SPINK5: variants seen among roughly 807,000 people sequenced by gnomAD.
SPINK5 encodes the protein serine peptidase inhibitor Kazal type 5.
Under a neutral mutation model 151.8 loss-of-function variants are expected in SPINK5, and 125 were observed. That is an observed-to-expected ratio of 0.82 (90% CI 0.71 to 0.96). The LOEUF (loss-of-function observed/expected upper bound fraction) is 0.96. Among genes scored for constraint, SPINK5 ranks in the 40% least tolerant of loss-of-function variants. SPINK5 has a pLI of 0.00. For missense variants in SPINK5, 1,194 were observed against 1,291.9 expected, an observed-to-expected ratio of 0.92 and a Z score of 1.16; for synonymous variants, 374 against 395.3, an observed-to-expected ratio of 0.95 and a Z score of 0.64.
chr5:148,134,841 C>T (rs1476316556), intron 32 of SPINK5, among the ~76,000 whole-genome samples: 1 of 151,594 alleles, frequency 6.6e-6, no homozygotes, highest in African/African-American at 2.4e-5. Flanking sequence ...TGCTCCATTC[C>T]ACTGCCACAA....
At position 148,114,240 on chromosome 5, in the gene SPINK5, G is replaced by GA. The variant is rs35860121; in HGVS notation, c.1888-114dup. ...TATAAATTGAACACTATAACTGCCA[G>GA]AAAAAAAATTCTCAGGTCATTTTCT... On this transcript the variant is annotated intron_variant, in intron 20 of 32. Coordinates refer to ENST00000256084, the MANE Select transcript of SPINK5 (RefSeq NM_006846.4). 0.51 allele frequency: 606,392 copies of GA among 1,190,508 alleles called. 161,387 individuals are homozygous for GA. Among genetic ancestry groups the GA allele is most frequent in the Admixed American group, 0.63 (23,150 of 36,928 alleles). The allele number at this position is 1,190,508 out of a possible 1,614,324, so 73.7% of individuals were successfully genotyped here.
chr5:148,103,362 G>A (rs558740220), intron 15 of SPINK5, among the ~76,000 whole-genome samples: 2 of 152,264 alleles, frequency 1.3e-5, no homozygotes, highest in South Asian at 4.1e-4. Flanking sequence ...ACTTACAGAT[G>A]AAGGAAAAGT....
intron 6 of SPINK5, 187 bp from the exon 7 acceptor site, chr5:148,089,307 A>G (rs1350802331): frequency 1.3e-6 from 1 of 746,056 alleles, no homozygotes; most frequent in Non-Finnish European, 2.3e-6. Flanking sequence ...ATGAATAAAC[A>G]AGTAAAAAAG....
At chr5:148,091,331 T>C in intron 8 of SPINK5, 103 bp downstream of exon 8, 2 of 911,544 alleles carry the variant, frequency 2.2e-6, no homozygotes, top group Non-Finnish European at 1.7e-6. Context: ...TCTTTTATTA[T>C]TATATAGATA....
rs772766280 is a variant in SPINK5, at chr5:148,120,144, T to C, written c.2441+8T>C. 8 of 1,614,108 alleles carry C rather than the reference T, an allele frequency of 5.0e-6. No individual in the cohort carries two copies. The East Asian group carries it at 1.8e-4, about 36-fold the overall frequency. On this transcript the variant is annotated splice_region_variant and intron_variant, in intron 25 of 32. Transcript: ENST00000256084. ...TATGTGTAAGGAAAAACTGTGAGTA[T>C]GTTTCAAAATGAGCTTTTGACTGTG... is the stretch of plus-strand genomic sequence containing the variant.
At position 148,120,077 on chromosome 5, in the gene SPINK5, T is replaced by C. The variant is rs188840406; in HGVS notation, c.2382T>C (p.Pro794=). Residue 794 remains proline (P), a synonymous_variant, in exon 25 of 33, where the codon CCT becomes CCC. Transcript: ENST00000256084. ...GKLICTRESD[P]VRGPDGKTHG... Reference sequence around the variant, plus strand: ...TCATCTGCACTCGAGAAAGTGACCCTGTCCGGGGTCCAGATGGCAAGACAC... The same window carrying C: ...TCATCTGCACTCGAGAAAGTGACCCCGTCCGGGGTCCAGATGGCAAGACAC... The C allele has an allele frequency of 1.8e-4, 290 of 1,614,094 alleles. No individual in the cohort carries two copies. In the African/African-American group the frequency reaches 3.6e-3, roughly 20 times the overall value.
chr5:148,098,049 A>T, intron 11 of SPINK5, 55 bp downstream of exon 11: 1 of 1,545,598 alleles, frequency 6.5e-7, no homozygotes, highest in Non-Finnish European at 8.9e-7. Context: ...AGGTAATTTA[A>T]TAGAAACAGC....
At position 148,119,006 on chromosome 5, in the gene SPINK5, A is replaced by G. The variant is rs758718125; in HGVS notation, c.2261A>G (p.Lys754Arg). 8 of 1,614,076 alleles carry G rather than the reference A, an allele frequency of 5.0e-6. No individual in the cohort carries two copies. In the Admixed American group the frequency reaches 1.3e-4, roughly 27 times the overall value. Reference sequence around the variant, plus strand: ...TCCAGGGAAAGAGAAGCAGAGAGAAAAAATGAGTATTCTCGCTCCAGATCA... The same window carrying G: ...TCCAGGGAAAGAGAAGCAGAGAGAAGAAATGAGTATTCTCGCTCCAGATCA... Reference protein sequence around the residue: ...KAKLEREAERKNEYSRSRSNG... With the variant: ...KAKLEREAERRNEYSRSRSNG... Residue 754 changes from lysine to arginine, a missense_variant, in exon 24 of 33, where the codon AAA (lysine) becomes AGA (arginine). Transcript: ENST00000256084.
intron 4 of SPINK5, among the ~76,000 whole-genome samples, chr5:148,075,569 G>GTGA (rs1752856841): frequency 6.6e-6 from 1 of 151,684 alleles, no homozygotes; most frequent in Non-Finnish European, 1.5e-5. Flanking sequence ...ATCCTAAGGT[G>GTGA]TGACACTTTA....
intron 30 of SPINK5, among the ~76,000 whole-genome samples, chr5:148,127,472 C>G (rs1423278028): frequency 6.6e-6 from 1 of 152,126 alleles, no homozygotes; most frequent in African/African-American, 2.4e-5. Flanking sequence ...AAATCTGTTT[C>G]TACATCCTGG....
chr5:148,090,597 C>T (rs1189598507), intron 7 of SPINK5: 2 of 151,980 alleles, frequency 1.3e-5, no homozygotes, highest in South Asian at 2.1e-4. Context: ...CGGAATGAGA[C>T]GCTAATCAAA....
intron 23 of SPINK5, 57 bp from the exon 24 acceptor site, chr5:148,118,929 C>T: frequency 1.3e-6 from 2 of 1,550,046 alleles, no homozygotes; most frequent in Middle Eastern, 1.7e-4. Context: ...ACACTTAGTG[C>T]ATAATCCAGG....
intron 26 of SPINK5, among the ~76,000 whole-genome samples, chr5:148,123,517 AT>A (rs1754342330): frequency 2.3e-4 from 4 of 17,536 alleles, no homozygotes; most frequent in East Asian, 3.2e-3. Flanking sequence ...GGTGCAATAT[AT>A]GTGTATATAT....
At chr5:148,091,021 T>A in intron 7 of SPINK5, 144 bp from the exon 8 acceptor site, 1 of 687,086 alleles carries the variant, frequency 1.5e-6, no homozygotes, top group East Asian at 2.8e-5. Context: ...GGCTCAGGCA[T>A]TGAAGACGGA....
In SPINK5 at chr5:148,070,429, G is replaced by A. The variant is rs759615234; in HGVS notation, c.188G>A (p.Cys63Tyr). 3 of 1,612,614 alleles carry A rather than the reference G, an allele frequency of 1.9e-6. No homozygotes were observed. Among genetic ancestry groups the A allele is most frequent in the South Asian group, 1.1e-5 (1 of 91,058 alleles). The change falls in exon 3 of 33, where the codon TGT becomes TAT. Residue 63 changes from cysteine (C) to tyrosine (Y), a missense_variant. Transcript: ENST00000256084. ...SLDGIMFINK[C>Y]ATCKMILEKE... ...GATGGAATAATGTTCATCAATAAAT[G>A]TGCCACGTGCAAAATGATACTGTGA...
intron 2 of SPINK5, among the ~76,000 whole-genome samples, chr5:148,065,793 A>G (rs918859377): frequency 2.0e-5 from 3 of 152,228 alleles, no homozygotes; most frequent in Admixed American, 6.5e-5. Context: ...GTCGGTGTAT[A>G]TAGTTCATGT....
rs138194484 is a variant in SPINK5, at chr5:148,113,075, TAACAG to T, written c.1887+148_1887+152del. On this transcript the variant is annotated intron_variant, in intron 20 of 32. Transcript: ENST00000256084. ...GTCCAGGGGTTGAGAAACTTTTTCTTAACAGAACAGATAGCAGATATTTCTGTTTT... is the reference window on the plus strand; with the variant it reads ...GTCCAGGGGTTGAGAAACTTTTTCTTAACAGATAGCAGATATTTCTGTTTT... 326 of 1,359,668 alleles carry T rather than the reference TAACAG, an allele frequency of 2.4e-4. 1 individual carries two copies. The African/African-American group carries it at 4.4e-3, about 18-fold the overall frequency. The allele number at this position is 1,359,668 out of a possible 1,614,324, so 84.2% of individuals were successfully genotyped here.
rs1330187096 is a variant in SPINK5 at position 148,101,836 on chromosome 5, G to T, written c.1358G>T (p.Arg453Ile). The T allele has an allele frequency of 1.2e-6, 2 of 1,613,854 alleles. No homozygotes were observed. Among genetic ancestry groups the T allele is most frequent in the Non-Finnish European group, 1.7e-6 (2 of 1,179,824 alleles). ...SRKNGRLFCT[R>I]ENDPIQGPDG... Reference sequence around the variant, plus strand: ...AAAAACGGACGGCTTTTTTGCACCAGAGAGAATGACCCCATCCAGGGCCCA... The same window carrying T: ...AAAAACGGACGGCTTTTTTGCACCATAGAGAATGACCCCATCCAGGGCCCA... Residue 453 changes from arginine to isoleucine, a missense_variant, in exon 15 of 33, where the codon AGA becomes ATA. Transcript: ENST00000256084.
At chr5:148,127,503 C>A (rs1032520421) in intron 30 of SPINK5, among the ~76,000 whole-genome samples, 2 of 152,156 alleles carry the variant, frequency 1.3e-5, no homozygotes, top group Non-Finnish European at 1.5e-5. Flanking sequence ...CAAGCATGCT[C>A]ACAGGTATAA....
Sources: gnomAD v4.1 joint callset for allele counts (sites outside exome capture counted in the v4.1 genomes callset) on GRCh38, gnomAD v4.1.1 for gene constraint, MANE v1.5 for transcripts, NCBI Gene and HGNC (gene_info 2026-07-23, HGNC 2026-07-21) for gene names.